Variants in CALCA observed in about 807,000 individuals in gnomAD.
CALCA encodes the protein calcitonin related polypeptide alpha, also known as calcitonin.
Under a neutral mutation model 6.9 loss-of-function variants are expected in CALCA, and 4 were observed. The observed-to-expected ratio is 0.58, with a 90% CI of 0.29 to 1.33. The LOEUF (loss-of-function observed/expected upper bound fraction) is 1.33. Ranked by LOEUF, CALCA falls within the 40% of genes most tolerant of loss-of-function variation. The pLI, the probability that CALCA is intolerant of heterozygous loss-of-function variation, is 0.09. For missense variants in CALCA, 174 were observed against 178.3 expected, an observed-to-expected ratio of 0.98 and a Z score of 0.14; for synonymous variants, 78 against 70.0, an observed-to-expected ratio of 1.11 and a Z score of -0.57.
At position 14,968,620 on chromosome 11, in the gene CALCA, T is replaced by C; in HGVS notation, c.*179A>G. ...CCTCATTTTCTGGTATTTTCCCAGG[T>C]GATTCTCTTCCAACCTGTGAGTCCT... On this transcript the variant is annotated 3_prime_UTR_variant, in exon 4 of 4. Transcript: ENST00000331587. 1.3e-6 allele frequency: 2 copies of C among 1,527,014 alleles called. No individual in the cohort carries two copies. Among genetic ancestry groups the C allele is most frequent in the East Asian group, 4.8e-5 (2 of 41,448 alleles). The allele number at this position is 1,527,014 out of a possible 1,614,324, so 94.6% of individuals were successfully genotyped here.
intron 1 of CALCA, among the ~76,000 whole-genome samples, chr11:14,971,829 AGTC>A (rs1390609246): frequency 6.6e-6 from 1 of 152,178 alleles, no homozygotes; most frequent in African/African-American, 2.4e-5. Context: ...CTTGTCCCTC[AGTC>A]GTCGTGCCTA....
downstream of CALCA, chr11:14,967,909 G>T (rs781991396): frequency 1.9e-5 from 31 of 1,602,876 alleles, no homozygotes; most frequent in Non-Finnish European, 2.6e-5. Context: ...GGCTGGGAGA[G>T]AGGTCAGCCC....
intron 1 of CALCA, among the ~76,000 whole-genome samples, chr11:14,971,579 C>T (rs1256866023): frequency 6.6e-6 from 1 of 152,188 alleles, no homozygotes; most frequent in Non-Finnish European, 1.5e-5. Context: ...AAACCCAGAG[C>T]TGTCCTCCTC....
Position 14,968,909 on chromosome 11 carries a change from A to ACGTTC in CALCA, c.315_316insGAACG (p.Phe106GlufsTer56), listed in dbSNP as rs782108768. On this transcript the variant is annotated frameshift_variant, in exon 4 of 4. Transcript: ENST00000331587. LOFTEE classifies it low-confidence loss of function (END_TRUNC). ...CCAACCCCAATTGCAGTTTGGGGGA[A>ACGTTC]CGTGTGAAACTTGTTGAAGTCCTGC... 3 of 1,614,138 alleles carry ACGTTC rather than the reference A, an allele frequency of 1.9e-6. No homozygotes were observed. In the Admixed American group the frequency reaches 5.0e-5, roughly 27 times the overall value.
At chr11:14,967,715 G>A (rs782436716), downstream of CALCA, 14 of 1,613,992 alleles carry the variant, frequency 8.7e-6, no homozygotes, top group South Asian at 4.4e-5. Context: ...AGGTCCCTGC[G>A]GCGCCTGCCA....
intron 3 of CALCA, among the ~76,000 whole-genome samples, chr11:14,969,443 A>G (rs992227090): frequency 3.3e-5 from 5 of 152,256 alleles, no homozygotes; most frequent in Middle Eastern, 3.4e-3. Flanking sequence ...CCTACCTCAG[A>G]CACTGCTCTA....
rs782268685 is a variant in CALCA at position 14,971,232 on chromosome 11, C to T, written c.-9-31G>A. The T allele has an allele frequency of 1.2e-5, 18 of 1,516,162 alleles. No individual in the cohort carries two copies. In the South Asian group the frequency reaches 1.7e-4, roughly 14 times the overall value. The allele number at this position is 1,516,162 out of a possible 1,614,324, so 93.9% of individuals were successfully genotyped here. On this transcript the variant is annotated intron_variant, in intron 1 of 3. Coordinates refer to ENST00000331587, the MANE Select transcript of CALCA (RefSeq NM_001741.3). Reference sequence around the variant, plus strand: ...AGGGAAGAATGAGATAAACCACCTGCGCCAGTTCGAAGTTCTAGGAGCCCA... The same window carrying T: ...AGGGAAGAATGAGATAAACCACCTGTGCCAGTTCGAAGTTCTAGGAGCCCA...
rs2133588367 is a variant in CALCA at position 14,972,308 on chromosome 11, C to T, written c.-73G>A. The T allele has an allele frequency of 6.5e-6, 1 of 154,112 alleles. No homozygotes were observed. Among genetic ancestry groups the T allele is most frequent in the East Asian group, 1.9e-4 (1 of 5,212 alleles). 9.5% of individuals were successfully genotyped at this position (154,112 alleles called of 1,614,324 possible). ...GCGGCGGCGGCGTCCAGCCAGAGCC[C>T]TGTGGAAGCGGCGGCGACACTTGGG... On this transcript the variant is annotated 5_prime_UTR_variant, in exon 1 of 4. Coordinates refer to ENST00000331587, the MANE Select transcript of CALCA (RefSeq NM_001741.3).
chr11:14,969,899 G>C (rs562975264), intron 3 of CALCA, 36 bp downstream of exon 3: 3 of 1,612,220 alleles, frequency 1.9e-6, no homozygotes, highest in Non-Finnish European at 2.5e-6. Flanking sequence ...GCTGCGGGGA[G>C]AGGAGGCCCT....
downstream of CALCA, chr11:14,967,980 T>C: frequency 1.8e-6 from 2 of 1,083,708 alleles, no homozygotes; most frequent in Non-Finnish European, 2.8e-6. Context: ...TAAGTGTTTC[T>C]CCTAAACACA....
chr11:14,968,437 A>G (rs946334059), downstream of CALCA: 18 of 1,197,114 alleles, frequency 1.5e-5, no homozygotes, highest in Admixed American at 3.6e-5. Flanking sequence ...ATTTCTAAGC[A>G]TAGGTCTTAG....
intron 2 of CALCA, 111 bp from the exon 3 acceptor site, chr11:14,970,186 C>G: frequency 6.8e-7 from 1 of 1,477,008 alleles, no homozygotes; most frequent in South Asian, 1.3e-5. Flanking sequence ...ATGTGGCCAG[C>G]GGGAGTCCTA....
intron 1 of CALCA, among the ~76,000 whole-genome samples, chr11:14,971,702 C>T (rs1159876646): frequency 6.6e-6 from 1 of 152,220 alleles, no homozygotes; most frequent in East Asian, 1.9e-4. Flanking sequence ...TCAGCCTAAG[C>T]TCCGCCTGCT....
chr11:14,968,852 C>T lies in CALCA; in HGVS notation c.373G>A (p.Asp125Asn), dbSNP rs782292234. Residue 125 changes from aspartate (D) to asparagine (N), a missense_variant, in exon 4 of 4, where the codon GAC becomes AAC. Coordinates refer to ENST00000331587, the MANE Select transcript of CALCA (RefSeq NM_001741.3). Reference protein sequence around the residue: ...APGKKRDMSSDLERDHRPHVS... With the variant: ...APGKKRDMSSNLERDHRPHVS... ...TGAGGGCGATGGTCTCTCTCCAAGT[C>T]GCTGGACATATCCCTTTTCTTTCCA... is the stretch of plus-strand genomic sequence containing the variant. The T allele has an allele frequency of 6.2e-7, 1 of 1,614,138 alleles. No individual in the cohort carries two copies. Among genetic ancestry groups the T allele is most frequent in the South Asian group, 1.1e-5 (1 of 91,074 alleles).
At position 14,969,014 on chromosome 11, in the gene CALCA, T is replaced by C; in HGVS notation, c.228-17A>G. 1.2e-6 allele frequency: 2 copies of C among 1,607,284 alleles called. No homozygotes were observed. The highest frequency in any genetic ancestry group is 1.1e-5 in the South Asian group (1 of 90,882). On this transcript the variant is annotated splice_polypyrimidine_tract_variant and intron_variant, in intron 3 of 3. Coordinates refer to ENST00000331587, the MANE Select transcript of CALCA (RefSeq NM_001741.3). ...CTGTCCAGGCTGCAGGGAAAACACA[T>C]ACCAGACAGTACCATGCACCAGAAT...
chr11:14,971,240 C>T (rs782271790), intron 1 of CALCA, 39 bp from the exon 2 acceptor site: 7 of 1,460,300 alleles, frequency 4.8e-6, no homozygotes, highest in South Asian at 3.4e-5. Flanking sequence ...TGCGCCAGTT[C>T]GAAGTTCTAG....
intron 3 of CALCA, among the ~76,000 whole-genome samples, chr11:14,969,692 C>G (rs556977546): frequency 1.3e-5 from 2 of 152,298 alleles, no homozygotes; most frequent in East Asian, 3.9e-4. Flanking sequence ...CCACACCTCC[C>G]CATTTCATTT....
At chr11:14,967,810 G>A (rs1376969693), downstream of CALCA, 1 of 1,614,248 alleles carries the variant, frequency 6.2e-7, no homozygotes, top group Non-Finnish European at 8.5e-7. Flanking sequence ...CAGCCGATGA[G>A]TCACACAGGT....
At position 14,971,162 on chromosome 11, in the gene CALCA, C is replaced by T. The variant is rs1555026441; in HGVS notation, c.31G>A (p.Ala11Thr). ...TGCAACAGGACCAAGATGCTGAGAG[C>T]CAGGAAGGGGGAGAACTTTTGGAAG... MGFQKFSPFL[A>T]LSILVLLQAG... Residue 11 changes from alanine to threonine, a missense_variant, in exon 2 of 4, where the codon GCT becomes ACT. Transcript: ENST00000331587. 6 of 1,613,978 alleles carry T rather than the reference C, an allele frequency of 3.7e-6. No homozygotes were observed. Among genetic ancestry groups the T allele is most frequent in the East Asian group, 4.5e-5 (2 of 44,868 alleles).
Sources: gnomAD v4.1 joint callset for allele counts (sites outside exome capture counted in the v4.1 genomes callset) on GRCh38, gnomAD v4.1.1 for gene constraint, MANE v1.5 for transcripts, NCBI Gene and HGNC (gene_info 2026-07-23, HGNC 2026-07-21) for gene names.